ABCA10: variants seen among roughly 807,000 people sequenced by gnomAD.
ABCA10 encodes ATP binding cassette subfamily A member 10, also known as ATP-binding cassette sub-family A member 10.
ABCA10 carries 169 observed loss-of-function variants against 187.5 expected under a neutral mutation model. The ratio of observed to expected loss-of-function variants is 0.90; its 90% CI spans 0.80 to 1.02. ABCA10 has a LOEUF of 1.02. ABCA10 is among the 50% of genes least tolerant of loss of function. The probability of loss-of-function intolerance (pLI) is 0.00; values close to 1 mark genes in which losing one functional copy is unlikely to be tolerated. For missense variants in ABCA10, 1,727 were observed against 1,812.4 expected (o/e 0.95, Z 0.86); for synonymous variants, 574 against 601.8 (o/e 0.95, Z 0.68).
intron 22 of ABCA10, 49 bp from the exon 23 acceptor site, chr17:69,175,562 T>C: frequency 1.4e-6 from 2 of 1,398,748 alleles, no homozygotes; most frequent in South Asian, 1.3e-5. Flanking sequence ...TTACAAATTA[T>C]ACAAACATTA....
At chr17:69,155,737 A>G in intron 29 of ABCA10, 68 bp downstream of exon 29, 1 of 1,525,360 alleles carries the variant, frequency 6.6e-7, no homozygotes, top group Non-Finnish European at 8.8e-7. Context: ...ATAAAAACCA[A>G]CATCTCATCA....
intron 1 of ABCA10, among the ~76,000 whole-genome samples, chr17:69,239,006 T>C (rs2074888628): frequency 6.6e-6 from 1 of 152,202 alleles, no homozygotes; most frequent in Non-Finnish European, 1.5e-5. Context: ...AGCCTAGCTG[T>C]TGTCAAAGAT....
intron 25 of ABCA10, among the ~76,000 whole-genome samples, chr17:69,170,982 G>A (rs912104561): frequency 4.6e-5 from 7 of 152,186 alleles, no homozygotes; most frequent in Non-Finnish European, 1.5e-5. Context: ...CCATATTGAG[G>A]CATGATACTC....
intron 18 of ABCA10, among the ~76,000 whole-genome samples, chr17:69,189,587 G>C (rs1406513414): frequency 1.3e-5 from 2 of 152,088 alleles, no homozygotes; most frequent in Non-Finnish European, 2.9e-5. Context: ...TCATCATGAA[G>C]TCTTTGCCAG....
chr17:69,185,731 G>A, intron 19 of ABCA10, 88 bp from the exon 20 acceptor site: 2 of 1,095,802 alleles, frequency 1.8e-6, no homozygotes, highest in Non-Finnish European at 2.6e-6. Flanking sequence ...TGCTAACTAT[G>A]GAAAGTCCAC....
chr17:69,164,045 T>C (rs7208382), intron 27 of ABCA10, 29 bp downstream of exon 27: 944,789 of 1,482,822 alleles, frequency 0.64, 306,839 homozygotes, highest in Non-Finnish European at 0.67. Flanking sequence ...TTATGCAATA[T>C]ATATATTTAG....
Position 69,154,316 on chromosome 17 carries a change from C to G in ABCA10, c.3705G>C (p.Leu1235Phe). 1.9e-6 allele frequency: 3 copies of G among 1,596,300 alleles called. No individual in the cohort carries two copies. Among genetic ancestry groups the G allele is most frequent in the African/African-American group, 2.8e-5 (2 of 70,300 alleles). The change falls in exon 31 of 39, where the codon TTG becomes TTC. Residue 1235 changes from leucine to phenylalanine, a missense_variant. Leu to Phe is a conservative substitution (Grantham distance 22, BLOSUM62 0). Coordinates refer to ENST00000690296, the MANE Select transcript of ABCA10 (RefSeq NM_001377321.1). ...CAGCTCCATTGTGTCCTAGTAATCC[C>G]AAAACTTCACCTGGAAGAAAGAGTC... is the stretch of plus-strand genomic sequence containing the variant. Reference protein sequence around the residue: ...VSFCVKKGEVLGLLGHNGAGK... With the variant: ...VSFCVKKGEVFGLLGHNGAGK...
chr17:69,173,207 T>C (rs534255008), intron 25 of ABCA10, among the ~76,000 whole-genome samples: 7 of 152,312 alleles, frequency 4.6e-5, no homozygotes, highest in African/African-American at 7.2e-5. Context: ...TATTTGACCA[T>C]TGTAGTACAA....
In ABCA10 at chr17:69,197,745, A is replaced by G. The variant is rs1356680467; in HGVS notation, c.1176-623T>C. 2.6e-5 allele frequency among the ~76,000 whole-genome samples: 4 copies of G among 152,138 alleles called. No homozygotes were observed. The East Asian group carries it at 7.7e-4, about 29-fold the overall frequency. Reference sequence around the variant, plus strand: ...TCCCTGGCTTCTACACTTTGGTTCCACATCTTCCTCTTACTATTCCGTTTT... The same window carrying G: ...TCCCTGGCTTCTACACTTTGGTTCCGCATCTTCCTCTTACTATTCCGTTTT... On this transcript the variant is annotated intron_variant, in intron 10 of 38. Coordinates refer to ENST00000690296, the MANE Select transcript of ABCA10 (RefSeq NM_001377321.1).
rs755362836 is a variant in ABCA10 at position 69,149,015 on chromosome 17, C to G, written c.4533+18G>C. On this transcript the variant is annotated intron_variant, in intron 38 of 38. Coordinates refer to ENST00000690296, the MANE Select transcript of ABCA10 (RefSeq NM_001377321.1). ...AGAGGTCATCTGGATGGTGCTCACT[C>G]GTTCAATGAAAACCCACCTGCTCCA... 3 of 1,613,836 alleles carry G rather than the reference C, an allele frequency of 1.9e-6. No homozygotes were observed. Among genetic ancestry groups the G allele is most frequent in the South Asian group, 2.2e-5 (2 of 91,046 alleles).
chr17:69,191,048 C>G, intron 17 of ABCA10, 128 bp downstream of exon 17: 1 of 962,072 alleles, frequency 1.0e-6, no homozygotes, highest in Non-Finnish European at 1.4e-6. Flanking sequence ...GAAATAGGAA[C>G]AGATTACTTA....
intron 1 of ABCA10, among the ~76,000 whole-genome samples, chr17:69,236,307 C>T (rs1201505714): frequency 1.3e-5 from 2 of 152,022 alleles, no homozygotes; most frequent in African/African-American, 4.8e-5. Context: ...ATTGGGAACC[C>T]CATTGAGAAA....
At chr17:69,243,510 G>T (rs183500092) in intron 1 of ABCA10, among the ~76,000 whole-genome samples, 124 of 152,284 alleles carry the variant, frequency 8.1e-4, no homozygotes, top group African/African-American at 2.9e-3. Context: ...GCCCATTTTT[G>T]ACCAAAATGT....
rs200188638 is a variant in ABCA10 at position 69,192,591 on chromosome 17, G to A, written c.1843C>T (p.Arg615Ter). The change falls in exon 16 of 39, where the codon CGA becomes TGA. Residue 615 changes from arginine to a stop codon, truncating the protein, a stop_gained. Coordinates refer to ENST00000690296, the MANE Select transcript of ABCA10 (RefSeq NM_001377321.1). LOFTEE classifies it high-confidence loss of function. ...KCAGSSLFLK[R>*]KWGIGYHLSL... Reference sequence around the variant, plus strand: ...AAATGATATCCAATACCCCACTTTCGCTTCAGAAACAAAGATGATCCTGCA... The same window carrying A: ...AAATGATATCCAATACCCCACTTTCACTTCAGAAACAAAGATGATCCTGCA... 246 of 1,613,140 alleles carry A rather than the reference G, an allele frequency of 1.5e-4. No homozygotes were observed. The highest frequency in any genetic ancestry group is 1.8e-4 in the Non-Finnish European group (214 of 1,179,622).
intron 9 of ABCA10, among the ~76,000 whole-genome samples, chr17:69,207,489 C>A (rs2074600342): frequency 6.6e-6 from 1 of 151,966 alleles, no homozygotes; most frequent in Admixed American, 6.6e-5. Context: ...AAACAACAAA[C>A]CCAGTGTCCA....
intron 22 of ABCA10, among the ~76,000 whole-genome samples, chr17:69,176,082 G>C (rs1162630913): frequency 1.3e-5 from 2 of 152,110 alleles, no homozygotes; most frequent in African/African-American, 4.8e-5. Flanking sequence ...TGTGAAGGGG[G>C]ACTATTGTAC....
intron 28 of ABCA10, 61 bp downstream of exon 28, chr17:69,156,771 A>G (rs988827021): frequency 1.9e-6 from 2 of 1,057,168 alleles, no homozygotes; most frequent in African/African-American, 3.4e-5. Flanking sequence ...AAATGAAATT[A>G]TAAATTTAAA....
chr17:69,210,081 T>TTTATTATTATTATTATTATTATTA (rs140000472), intron 9 of ABCA10, among the ~76,000 whole-genome samples: 2 of 146,866 alleles, frequency 1.4e-5, no homozygotes, highest in South Asian at 2.1e-4. Flanking sequence ...ATGCTATTAC[T>TTTATTATTATTATTATTATTATTA]TTATTATTAT....
chr17:69,193,035 G>A, intron 15 of ABCA10, 75 bp downstream of exon 15: 4 of 1,505,006 alleles, frequency 2.7e-6, no homozygotes, highest in Non-Finnish European at 3.5e-6. Context: ...TTCTTCTTTT[G>A]AAAACAGGCT....
Sources: gnomAD v4.1 joint callset for allele counts (sites outside exome capture counted in the v4.1 genomes callset) on GRCh38, gnomAD v4.1.1 for gene constraint, MANE v1.5 for transcripts, NCBI Gene and HGNC (gene_info 2026-07-23, HGNC 2026-07-21) for gene names.